Variants in SPTBN2 observed in about 807,000 individuals in gnomAD.
SPTBN2 encodes the protein spectrin beta chain, non-erythrocytic 2.
In SPTBN2, 107 loss-of-function variants were observed where a neutral mutation model predicts 284.2. That is an observed-to-expected ratio of 0.38 (90% CI 0.32 to 0.44). The LOEUF is 0.44. Among genes scored for constraint, SPTBN2 ranks in the 20% least tolerant of loss-of-function variants. The pLI is 1.00. For synonymous variants in SPTBN2, 1,289 were observed against 1,354.8 expected (o/e 0.95, Z 1.07); for missense variants, 2,569 against 3,287.1 (o/e 0.78, Z 5.34).
In SPTBN2 at chr11:66,700,409, A is replaced by T; in HGVS notation, c.3573+117T>A. 1 of 1,435,676 alleles carries T rather than the reference A, an allele frequency of 7.0e-7. No homozygotes were observed. Among genetic ancestry groups the T allele is most frequent in the Non-Finnish European group, 9.6e-7 (1 of 1,043,814 alleles). The allele number at this position is 1,435,676 out of a possible 1,614,324, so 88.9% of individuals were successfully genotyped here. A position where few individuals can be genotyped will look rare whatever the true frequency, so the allele number is the denominator to read the frequency against. On this transcript the variant is annotated intron_variant, in intron 17 of 37. Transcript: ENST00000533211. The surrounding 1 kb of genome is among the most constrained non-coding windows in gnomAD (Gnocchi z 6.6). ...CAAAGTGCTGGAATTTCAGGTGTGAACCACTGCGCTGCCCCATTTTGCTAG... is the reference window on the plus strand; with the variant it reads ...CAAAGTGCTGGAATTTCAGGTGTGATCCACTGCGCTGCCCCATTTTGCTAG...
chr11:66,696,372 G>A lies in SPTBN2; in HGVS notation c.4183C>T (p.Leu1395=), dbSNP rs1940910911. 1 of 1,613,264 alleles carries A rather than the reference G, an allele frequency of 6.2e-7. No homozygotes were observed. The highest frequency in any genetic ancestry group is 8.5e-7 in the Non-Finnish European group (1 of 1,180,030). ...AELFAQSCCA[L]ESWLESLQAQ... ...TGCAGGCTCTCCAGCCAGCTCTCCAGGGCACAGCAGCTCTGGGCAAACAGC... is the reference window on the plus strand; with the variant it reads ...TGCAGGCTCTCCAGCCAGCTCTCCAAGGCACAGCAGCTCTGGGCAAACAGC... Residue 1395 remains leucine, a synonymous_variant, in exon 21 of 38, where the codon CTG becomes TTG. Transcript: ENST00000533211.
At chr11:66,729,805 T>A (rs1398191058), upstream of SPTBN2, among the ~76,000 whole-genome samples, 1 of 152,104 alleles carries the variant, frequency 6.6e-6, no homozygotes, top group Non-Finnish European at 1.5e-5. Flanking sequence ...GGCTATTTAT[T>A]ATTATTATTA....
chr11:66,700,137 A>G lies in SPTBN2; in HGVS notation c.3573+389T>C, dbSNP rs893556828. Among the ~76,000 whole-genome samples the G allele has an allele frequency of 7.9e-5, 12 of 151,334 alleles. No homozygotes were observed. Among genetic ancestry groups the G allele is most frequent in the African/African-American group, 2.9e-4 (12 of 41,146 alleles). On this transcript the variant is annotated intron_variant, in intron 17 of 37. Coordinates refer to ENST00000533211, the MANE Select transcript of SPTBN2 (RefSeq NM_006946.4). The surrounding 1 kb of genome is among the most constrained non-coding windows in gnomAD (Gnocchi z 6.6). Reference sequence around the variant, plus strand: ...TGTCCAGTTAATTTTTTTTTTTCATAGAGATGGGGGTCTCACTATGTTGCC... The same window carrying G: ...TGTCCAGTTAATTTTTTTTTTTCATGGAGATGGGGGTCTCACTATGTTGCC...
At position 66,687,155 on chromosome 11, in the gene SPTBN2, G is replaced by A. The variant is rs750664912; in HGVS notation, c.6735C>T (p.Asn2245=). Residue 2245 remains asparagine, a synonymous_variant, in exon 36 of 38, where the codon AAC becomes AAT. Transcript: ENST00000533211. The surrounding 1 kb of genome is among the most constrained non-coding windows in gnomAD (Gnocchi z 5.2). ...TCCCACGCCGCAGGACACAGTACAC[G>A]TTCTGCCAGGACCTGCGAGGGACGC... The part of the protein sequence containing the change: ...GKKAANRSWQ[N]VYCVLRRGSL... 216 of 1,613,854 alleles carry A rather than the reference G, an allele frequency of 1.3e-4. 2 individuals carry two copies. The South Asian group carries it at 2.2e-3, about 17-fold the overall frequency.
intron 27 of SPTBN2, 55 bp from the exon 28 acceptor site, chr11:66,690,338 C>CCTCAGTCCTGG: frequency 4.0e-6 from 6 of 1,509,078 alleles, no homozygotes; most frequent in Non-Finnish European, 5.3e-6. Flanking sequence ...GGAGCCGCAG[C>CCTCAGTCCTGG]CTGCCTCAGT....
intron 3 of SPTBN2, among the ~76,000 whole-genome samples, chr11:66,716,900 C>T (rs1266958546): frequency 2.0e-5 from 3 of 152,140 alleles, no homozygotes; most frequent in Non-Finnish European, 4.4e-5. Flanking sequence ...CTCTTCCAAG[C>T]GGTCATTAGG....
upstream of SPTBN2, among the ~76,000 whole-genome samples, chr11:66,729,493 G>A (rs1209909565): frequency 6.6e-6 from 1 of 152,232 alleles, no homozygotes; most frequent in East Asian, 1.9e-4. Context: ...TGAATTATTG[G>A]ATTTAAGGTT....
rs1447459953 is a variant in SPTBN2, at chr11:66,718,609, G to A, written c.157+2475C>T. Among the ~76,000 whole-genome samples, 5 of 152,320 alleles carry A rather than the reference G, an allele frequency of 3.3e-5. No individual in the cohort carries two copies. In the East Asian group the frequency reaches 7.7e-4, roughly 23 times the overall value. ...CGTTCCCGTGCACCCTGCTCACTCC[G>A]TTCCCATTCATGCTGCCAGCTGCTA... On this transcript the variant is annotated intron_variant, in intron 3 of 37. Coordinates refer to ENST00000533211, the MANE Select transcript of SPTBN2 (RefSeq NM_006946.4). The surrounding 1 kb of genome is among the most constrained non-coding windows in gnomAD (Gnocchi z 4.8).
chr11:66,685,625 G>A lies in SPTBN2; in HGVS notation c.*246C>T. The A allele has an allele frequency of 1.9e-6, 1 of 518,290 alleles. No individual in the cohort carries two copies. The highest frequency in any genetic ancestry group is 2.0e-5 in the South Asian group (1 of 50,534). The allele number at this position is 518,290 out of a possible 1,614,324, so 32.1% of individuals were successfully genotyped here. On this transcript the variant is annotated 3_prime_UTR_variant, in exon 38 of 38. Transcript: ENST00000533211. The surrounding 1 kb of genome is among the most constrained non-coding windows in gnomAD (Gnocchi z 4.4). ...GAGGCACGAGGCTGGGGAAAGGGGA[G>A]AAGTCGGCGGGGGTGGGAGAGGGGG... is the stretch of plus-strand genomic sequence containing the variant.
In SPTBN2 at chr11:66,705,367, G is replaced by C. The variant is rs1332002847; in HGVS notation, c.1909C>G (p.Leu637Val). The C allele has an allele frequency of 6.2e-7, 1 of 1,612,288 alleles. No homozygotes were observed. Among genetic ancestry groups the C allele is most frequent in the Non-Finnish European group, 8.5e-7 (1 of 1,179,848 alleles). Residue 637 changes from leucine (L) to valine (V), a missense_variant, in exon 15 of 38, where the codon CTG (leucine) becomes GTG (valine). Transcript: ENST00000533211. ...CELAAARRAR[L>V]EESRRLWRFL... is the part of the protein sequence containing the mutation. ...CGCCAGAGCCGCCGTGATTCCTCCA[G>C]CCGGGCCCGCCGCGCCGCTGCCAAC...
At chr11:66,706,250 T>C (rs977964726) in intron 13 of SPTBN2, among the ~76,000 whole-genome samples, 3 of 152,244 alleles carry the variant, frequency 2.0e-5, no homozygotes, top group Admixed American at 2.0e-4. Flanking sequence ...ACAGGCCTTC[T>C]TCAGAGTAGC....
Position 66,693,730 on chromosome 11 carries a change from G to A in SPTBN2, c.4593+42C>T. 1 of 1,573,900 alleles carries A rather than the reference G, an allele frequency of 6.4e-7. No homozygotes were observed. The highest frequency in any genetic ancestry group is 8.7e-7 in the Non-Finnish European group (1 of 1,153,934). Reference sequence around the variant, plus strand: ...GAAAAAACACGTCCAAGTCTGGGCAGGCTCCTGGGAACTTCTCTTTTGCCT... The same window carrying A: ...GAAAAAACACGTCCAAGTCTGGGCAAGCTCCTGGGAACTTCTCTTTTGCCT... On this transcript the variant is annotated intron_variant, in intron 23 of 37. Coordinates refer to ENST00000533211, the MANE Select transcript of SPTBN2 (RefSeq NM_006946.4). This position sits in a 1 kb window ranked among gnomAD's most constrained non-coding sequence, Gnocchi z 5.7.
chr11:66,704,890 T>A lies in SPTBN2; in HGVS notation c.2386A>T (p.Ile796Phe). The change falls in exon 15 of 38, where the codon ATT (isoleucine) becomes TTT (phenylalanine). Residue 796 changes from isoleucine to phenylalanine, a missense_variant. Transcript: ENST00000533211. Reference sequence around the variant, plus strand: ...TCCAGGGTTGGCCGGTGGCTTCGAATCTCCTCCTCCAGGGCCCGATGCTGC... The same window carrying A: ...TCCAGGGTTGGCCGGTGGCTTCGAAACTCCTCCTCCAGGGCCCGATGCTGC... ...ARQHRALEEE[I>F]RSHRPTLDAL... 6.2e-7 allele frequency: 1 copy of A among 1,611,464 alleles called. No individual in the cohort carries two copies. The highest frequency in any genetic ancestry group is 8.5e-7 in the Non-Finnish European group (1 of 1,179,886).
chr11:66,688,785 C>T lies in SPTBN2; in HGVS notation c.6099G>A (p.Glu2033=), dbSNP rs150696057. The T allele has an allele frequency of 8.0e-4, 1,294 of 1,613,128 alleles. 11 individuals carry two copies. In the African/African-American group the frequency reaches 0.015, roughly 19 times the overall value. The change falls in exon 31 of 38, where the codon GAG becomes GAA. Residue 2033 remains glutamate (E), a synonymous_variant. Transcript: ENST00000533211. ...CCAGCTCAGCGCTGCGCACCAGTGG[C>T]TCCTGGCTGCAGAGCCAGGCCTCTG... ...GMAEAWLCSQ[E]PLVRSAELGC...
chr11:66,732,279 T>C (rs559651241), upstream of SPTBN2, among the ~76,000 whole-genome samples: 7 of 152,312 alleles, frequency 4.6e-5, no homozygotes, highest in Non-Finnish European at 8.8e-5. Flanking sequence ...AATCTGACCC[T>C]TGAACCCATG....
In SPTBN2 at chr11:66,698,765, C is replaced by T; in HGVS notation, c.3888G>A (p.Glu1296=). The change falls in exon 20 of 38, where the codon GAG becomes GAA. Residue 1296 remains glutamate (E), a synonymous_variant. Transcript: ENST00000533211. ...ACACGTCCTGGGCTGTCAGCATCTTCTCGTCGATCCAGAGCTTCAGCTGGA... is the reference window on the plus strand; with the variant it reads ...ACACGTCCTGGGCTGTCAGCATCTTTTCGTCGATCCAGAGCTTCAGCTGGA... ...DCHELKLWID[E]KMLTAQDVSY... 6.2e-7 allele frequency: 1 copy of T among 1,613,982 alleles called. No individual in the cohort carries two copies. The highest frequency in any genetic ancestry group is 8.5e-7 in the Non-Finnish European group (1 of 1,180,052).
intron 30 of SPTBN2, 38 bp from the exon 31 acceptor site, chr11:66,688,887 G>C (rs1940338276): frequency 6.2e-7 from 1 of 1,607,646 alleles, no homozygotes; most frequent in East Asian, 2.2e-5. Context: ...TGGTGGGTCA[G>C]AGTGGCCACT....
rs1482115548 is a variant in SPTBN2 at position 66,691,048 on chromosome 11, C to G, written c.5565+236G>C. On this transcript the variant is annotated intron_variant, in intron 27 of 37. Transcript: ENST00000533211. The surrounding 1 kb of genome is among the most constrained non-coding windows in gnomAD (Gnocchi z 8.0). ...GTCAGGCTGGTCTCGAACTCCCAAT[C>G]TCAGATGATCCGCCCTCCTCGGCCT... Among the ~76,000 whole-genome samples, 3 of 152,208 alleles carry G rather than the reference C, an allele frequency of 2.0e-5. No individual in the cohort carries two copies. Among genetic ancestry groups the G allele is most frequent in the Admixed American group, 1.3e-4 (2 of 15,284 alleles).
chr11:66,718,793 T>C lies in SPTBN2; in HGVS notation c.157+2291A>G, dbSNP rs1942259963. ...AGAGTTACGGGGTGTCCCGAACTCC[T>C]GAGACAGAGAGTGGGGGCACGCCTG... On this transcript the variant is annotated intron_variant, in intron 3 of 37. Coordinates refer to ENST00000533211, the MANE Select transcript of SPTBN2 (RefSeq NM_006946.4). This position sits in a 1 kb window ranked among gnomAD's most constrained non-coding sequence, Gnocchi z 4.8. Among the ~76,000 whole-genome samples, 1 of 152,188 alleles carries C rather than the reference T, an allele frequency of 6.6e-6. No homozygotes were observed. The highest frequency in any genetic ancestry group is 2.4e-5 in the African/African-American group (1 of 41,448).
Sources: gnomAD v4.1 joint callset for allele counts (sites outside exome capture counted in the v4.1 genomes callset) on GRCh38, gnomAD v4.1.1 for gene constraint, Gnocchi (gnomAD v3.1) non-coding constraint, MANE v1.5 for transcripts, NCBI Gene and HGNC (gene_info 2026-07-23, HGNC 2026-07-21) for gene names.